The following PTPN22 variants were observed in gnomAD, a reference collection of about 807,000 sequenced individuals.
PTPN22 encodes tyrosine-protein phosphatase non-receptor type 22.
Under a neutral mutation model 103.3 loss-of-function variants are expected in PTPN22, and 85 were observed. That is an observed-to-expected ratio of 0.82 (90% CI 0.69 to 0.99). The LOEUF (loss-of-function observed/expected upper bound fraction) is 0.99, where lower values mean the gene tolerates loss of function less well. Ranked by LOEUF, PTPN22 falls within the 50% of genes least tolerant of loss-of-function variation. The pLI is 0.00. For synonymous variants in PTPN22, 323 were observed against 310.2 expected (o/e 1.04, Z -0.43); for missense variants, 865 against 936.9 (o/e 0.92, Z 1.00).
Position 113,834,305 on chromosome 1 carries a change from T to G in PTPN22, c.2025+4A>C, listed in dbSNP as rs1662793418. On this transcript the variant is annotated splice_donor_region_variant and intron_variant, in intron 15 of 20. Transcript: ENST00000359785. ...ATGAGTAGAGTCATTAAAAAATTAT[T>G]GACCTTGCTTGGTCTAAGTATCACA... The G allele has an allele frequency of 1.9e-6, 3 of 1,613,034 alleles. No individual in the cohort carries two copies. Among genetic ancestry groups the G allele is most frequent in the Non-Finnish European group, 2.5e-6 (3 of 1,179,562 alleles).
Position 113,835,245 on chromosome 1 carries a change from G to A in PTPN22, c.1811-252C>T, listed in dbSNP as rs188517889. 1.8e-4 allele frequency among the ~76,000 whole-genome samples: 27 copies of A among 152,262 alleles called. No individual in the cohort carries two copies. In the East Asian group the frequency reaches 4.4e-3, roughly 25 times the overall value. On this transcript the variant is annotated intron_variant, in intron 13 of 20. Transcript: ENST00000359785. ...TAAAAGCTCAAAAGTAGGGCTGGGC[G>A]CGGTGGCTCACGCCTGTAATCCCAG...
chr1:113,835,885 G>A (rs754553002), intron 13 of PTPN22, among the ~76,000 whole-genome samples: 1 of 152,046 alleles, frequency 6.6e-6, no homozygotes, highest in Non-Finnish European at 1.5e-5. Context: ...CCACCAGATG[G>A]CACATGACGA....
chr1:113,819,859 C>A (rs1661447316), intron 19 of PTPN22: 2 of 325,998 alleles, frequency 6.1e-6, no homozygotes, highest in South Asian at 1.3e-4. Flanking sequence ...TAAAAGGTTT[C>A]TTTTCTTTGC....
intron 7 of PTPN22, among the ~76,000 whole-genome samples, chr1:113,855,734 G>T (rs949864966): frequency 1.3e-5 from 2 of 152,138 alleles, no homozygotes; most frequent in Non-Finnish European, 2.9e-5. Flanking sequence ...CTATTGGTTT[G>T]TCCCCATCTG....
intron 14 of PTPN22, 76 bp downstream of exon 14, chr1:113,834,834 C>A: frequency 8.3e-7 from 1 of 1,210,932 alleles, no homozygotes; most frequent in Non-Finnish European, 1.2e-6. Context: ...ATCAGCTTCC[C>A]AAAGTGCTGG....
At chr1:113,818,250 C>T (rs552723165) in intron 20 of PTPN22, among the ~76,000 whole-genome samples, 2 of 151,962 alleles carry the variant, frequency 1.3e-5, no homozygotes, top group South Asian at 2.1e-4. Flanking sequence ...CTGCAACCTC[C>T]GACTCCCTGG....
chr1:113,848,446 G>C, intron 11 of PTPN22, 94 bp downstream of exon 11: 1 of 1,576,176 alleles, frequency 6.3e-7, no homozygotes, highest in Non-Finnish European at 8.6e-7. Flanking sequence ...CAATTTAGTT[G>C]TGACAATAGA....
At chr1:113,834,812 C>T in intron 14 of PTPN22, 98 bp downstream of exon 14, 2 of 998,868 alleles carry the variant, frequency 2.0e-6, no homozygotes, top group South Asian at 3.0e-5. Flanking sequence ...TCCTCAAACT[C>T]AAGGCTCACA....
At chr1:113,867,181 A>G (rs893361036) in intron 1 of PTPN22, among the ~76,000 whole-genome samples, 1 of 152,258 alleles carries the variant, frequency 6.6e-6, no homozygotes, top group Admixed American at 6.5e-5. Flanking sequence ...TTTCAACAGT[A>G]TAGTTGCATC....
chr1:113,835,037 C>A (rs750331236), intron 13 of PTPN22, 44 bp from the exon 14 acceptor site: 1 of 1,216,248 alleles, frequency 8.2e-7, no homozygotes, highest in South Asian at 1.5e-5. Context: ...TTAATTAGAA[C>A]AATCCAAAGG....
At chr1:113,845,569 G>A (rs1571407982) in intron 11 of PTPN22, among the ~76,000 whole-genome samples, 2 of 152,004 alleles carry the variant, frequency 1.3e-5, no homozygotes, top group East Asian at 3.8e-4. Flanking sequence ...ACTCTATCTT[G>A]ATATATATTT....
chr1:113,814,832 T>G, exon 21 of PTPN22: 1 of 1,121,712 alleles, frequency 8.9e-7, no homozygotes, highest in East Asian at 2.4e-5. Flanking sequence ...GCACTTATTT[T>G]AACTAGCAGT....
Position 113,838,415 on chromosome 1 carries a change from A to G in PTPN22, c.993-8T>C. The G allele has an allele frequency of 6.3e-7, 1 of 1,582,224 alleles. No homozygotes were observed. The highest frequency in any genetic ancestry group is 8.6e-7 in the Non-Finnish European group (1 of 1,166,388). On this transcript the variant is annotated splice_region_variant and splice_polypyrimidine_tract_variant and intron_variant, in intron 12 of 20. Coordinates refer to ENST00000359785, the Ensembl canonical transcript of PTPN22. ...TTTGCTGCTTTTGTGGTACTAAAACAAAAAGAAAGCGTAATGATGACACCA... is the reference window on the plus strand; with the variant it reads ...TTTGCTGCTTTTGTGGTACTAAAACGAAAAGAAAGCGTAATGATGACACCA...
chr1:113,852,869 T>C (rs563961674), intron 9 of PTPN22, among the ~76,000 whole-genome samples: 31 of 152,358 alleles, frequency 2.0e-4, no homozygotes, highest in Non-Finnish European at 4.4e-4. Flanking sequence ...ACAGAAATCA[T>C]ATGTCTACTA....
intron 5 of PTPN22, 132 bp from the exon 6 acceptor site, chr1:113,856,751 C>T (rs184587620): frequency 2.7e-6 from 3 of 1,110,076 alleles, no homozygotes; most frequent in Non-Finnish European, 2.6e-6. Flanking sequence ...TGGGCTTCAA[C>T]CCCTACATTA....
intron 18 of PTPN22, 144 bp from the exon 19 acceptor site, chr1:113,825,316 C>T: frequency 1.7e-6 from 1 of 603,818 alleles, no homozygotes; most frequent in Non-Finnish European, 2.9e-6. Context: ...TTCCATCTTG[C>T]CATTTTTAAT....
At chr1:113,836,982 T>G (rs1663074597) in intron 13 of PTPN22, among the ~76,000 whole-genome samples, 1 of 152,140 alleles carries the variant, frequency 6.6e-6, no homozygotes, top group Non-Finnish European at 1.5e-5. Flanking sequence ...TTTCTAGAAA[T>G]GAGGCGTGCC....
chr1:113,835,255 A>G (rs1295834659), intron 13 of PTPN22, among the ~76,000 whole-genome samples: 1 of 152,188 alleles, frequency 6.6e-6, no homozygotes, highest in Non-Finnish European at 1.5e-5. Flanking sequence ...GCGGTGGCTC[A>G]CGCCTGTAAT....
chr1:113,846,004 C>T (rs542341642), intron 11 of PTPN22, among the ~76,000 whole-genome samples: 2 of 152,192 alleles, frequency 1.3e-5, no homozygotes, highest in South Asian at 4.1e-4. Flanking sequence ...TTTTAGCCCT[C>T]TTATATATTT....
Sources: allele counts gnomAD v4.1 joint callset (sites outside exome capture counted in the v4.1 genomes callset), GRCh38; gene constraint gnomAD v4.1.1; transcripts MANE v1.5; gene names NCBI Gene and HGNC (gene_info 2026-07-23, HGNC 2026-07-21).